The following SEC16A variants were observed in gnomAD, a reference collection of about 807,000 sequenced individuals.
SEC16A encodes the protein SEC16 homolog A, endoplasmic reticulum export factor, also known as protein transport protein Sec16A.
SEC16A carries 110 observed loss-of-function variants against 221.9 expected under a neutral mutation model. The ratio of observed to expected loss-of-function variants is 0.50; its 90% CI spans 0.42 to 0.58. The LOEUF (loss-of-function observed/expected upper bound fraction) is 0.58. SEC16A is among the 20% of genes least tolerant of loss of function. SEC16A has a pLI of 0.00. For missense variants in SEC16A, 3,165 were observed against 3,097.8 expected (o/e 1.02, Z -0.52); for synonymous variants, 1,393 against 1,257.7 (o/e 1.11, Z -2.28).
intron 12 of SEC16A, among the ~76,000 whole-genome samples, chr9:136,462,673 G>A (rs1047758572): frequency 8.5e-5 from 13 of 152,188 alleles, no homozygotes; most frequent in African/African-American, 3.1e-4. Context: ...CTCCAACACT[G>A]GAAACAGTTA....
chr9:136,464,365 G>A, intron 9 of SEC16A, 55 bp downstream of exon 9: 1 of 1,521,270 alleles, frequency 6.6e-7, no homozygotes, highest in Non-Finnish European at 8.9e-7. Flanking sequence ...CTGCAAAGCA[G>A]AGAGTTCCCC....
intron 19 of SEC16A, 116 bp downstream of exon 19, chr9:136,455,937 T>A (rs991625538): frequency 2.5e-6 from 3 of 1,178,346 alleles, no homozygotes; most frequent in African/African-American, 1.5e-5. Flanking sequence ...GGAATTCTCA[T>A]AGGCACACGT....
rs1840225469 is a variant in SEC16A at position 136,466,819 on chromosome 9, A to G, written c.3929+138T>C. The G allele has an allele frequency of 1.8e-6, 2 of 1,122,312 alleles. No homozygotes were observed. The highest frequency in any genetic ancestry group is 2.7e-5 in the Admixed American group (1 of 37,082). The allele number at this position is 1,122,312 out of a possible 1,614,324, so 69.5% of individuals were successfully genotyped here. On this transcript the variant is annotated intron_variant, in intron 6 of 31. Transcript: ENST00000684901. The surrounding 1 kb of genome is among the most constrained non-coding windows in gnomAD (Gnocchi z 5.5). ...GAGGGTCTGCTCCCTCCTTCCTTTC[A>G]GACAGGGACCAAAACATCAGGCAGA...
At chr9:136,454,015 C>T in intron 21 of SEC16A, 94 bp downstream of exon 21, 5 of 1,190,820 alleles carry the variant, frequency 4.2e-6, no homozygotes, top group Non-Finnish European at 6.0e-6. Context: ...TAAGTTGTTT[C>T]AAGCTCAAAT....
chr9:136,477,503 T>G lies in SEC16A; in HGVS notation c.113A>C (p.Asn38Thr), dbSNP rs1399757070. ...GCAAGTTGTCGGAGCCACTGCTGCA[T>G]TATTATTAGCCCGTCTCCTGTAAGG... ...SSPYRRRANN[N>T]AAVAPTTCPL... Residue 38 changes from asparagine (N) to threonine (T), a missense_variant, in exon 3 of 32, where the codon AAT becomes ACT. Around this residue, in one of 3 missense-constraint regions of SEC16A, gnomAD observed 2,030 missense variants for 1,923.1 expected, o/e 1.06. Coordinates refer to ENST00000684901, the MANE Select transcript of SEC16A (RefSeq NM_014866.2). The G allele has an allele frequency of 6.2e-7, 1 of 1,613,888 alleles. No individual in the cohort carries two copies. Among genetic ancestry groups the G allele is most frequent in the South Asian group, 1.1e-5 (1 of 91,078 alleles).
intron 1 of SEC16A, among the ~76,000 whole-genome samples, chr9:136,480,177 C>A (rs180858523): frequency 6.6e-6 from 1 of 152,192 alleles, no homozygotes; most frequent in Non-Finnish European, 1.5e-5. Flanking sequence ...GATCTGTGCA[C>A]TGGCATTATC....
At chr9:136,463,169 G>A in intron 11 of SEC16A, 37 bp from the exon 12 acceptor site, 4 of 1,600,758 alleles carry the variant, frequency 2.5e-6, no homozygotes, top group Non-Finnish European at 3.4e-6. Flanking sequence ...GAGAACAACG[G>A]CTCTCAGGTG....
At position 136,475,209 on chromosome 9, in the gene SEC16A, G is replaced by A; in HGVS notation, c.2407C>T (p.Leu803Phe). 6.2e-7 allele frequency: 1 copy of A among 1,613,734 alleles called. No individual in the cohort carries two copies. The stretch of plus-strand genomic sequence containing the variant: ...TAACCAGAACTCGCCTGGGACTGAA[G>A]GGCCTCCTCCTCTCCCATTTTGGGA... ...NPPKMGEEEA[L>F]QSQASSGYAS... Residue 803 changes from leucine (L) to phenylalanine (F), a missense_variant, in exon 3 of 32, where the codon CTT becomes TTT. This residue lies in a region of SEC16A where 2,030 missense variants were observed against 1,923.1 expected (regional missense o/e 1.06). Transcript: ENST00000684901. This position sits in a 1 kb window ranked among gnomAD's most constrained non-coding sequence, Gnocchi z 5.0.
chr9:136,466,146 C>G lies in SEC16A; in HGVS notation c.4129-10G>C, dbSNP rs973950598. On this transcript the variant is annotated splice_polypyrimidine_tract_variant and intron_variant, in intron 7 of 31. Coordinates refer to ENST00000684901, the MANE Select transcript of SEC16A (RefSeq NM_014866.2). This position sits in a 1 kb window ranked among gnomAD's most constrained non-coding sequence, Gnocchi z 5.5. ...TTCTGTAAATCTGACTCTTAGAAAA[C>G]AAAGCAAACGGGCAAAATCAATTCC... is the stretch of plus-strand genomic sequence containing the variant. 22 of 1,581,186 alleles carry G rather than the reference C, an allele frequency of 1.4e-5. No homozygotes were observed. The highest frequency in any genetic ancestry group is 5.4e-5 in the African/African-American group (4 of 74,014).
Position 136,466,962 on chromosome 9 carries a change from C to T in SEC16A, c.3924G>A (p.Gly1308=). 6.2e-7 allele frequency: 1 copy of T among 1,612,710 alleles called. No homozygotes were observed. Among genetic ancestry groups the T allele is most frequent in the Non-Finnish European group, 8.5e-7 (1 of 1,179,482 alleles). Residue 1308 remains glycine, a synonymous_variant, in exon 6 of 32, where the codon GGG becomes GGA. Transcript: ENST00000684901. The surrounding 1 kb of genome is among the most constrained non-coding windows in gnomAD (Gnocchi z 5.5). ...DAYRREHSAF[G]DRPEKRDNNW... ...CCCAGGGGTGCTCCACCAACCTGTC[C>T]CCGAAGGCAGAGTGCTCTCTCCTGT... is the stretch of plus-strand genomic sequence containing the variant.
In SEC16A at chr9:136,475,103, T is replaced by A. The variant is rs1260226284; in HGVS notation, c.2513A>T (p.Asn838Ile). The change falls in exon 3 of 32, where the codon AAT (asparagine) becomes ATT (isoleucine). Residue 838 changes from asparagine to isoleucine, a missense_variant. Transcript: ENST00000684901. This position sits in a 1 kb window ranked among gnomAD's most constrained non-coding sequence, Gnocchi z 5.0. ...AGAAAAGTTAATGGGCTGAGCCAGA[T>A]TATAGCTGTGATCAGGCTGAGCAAT... is the stretch of plus-strand genomic sequence containing the variant. ...VLIAQPDHSY[N>I]LAQPINFSVS... 4 of 1,613,642 alleles carry A rather than the reference T, an allele frequency of 2.5e-6. No individual in the cohort carries two copies. Among genetic ancestry groups the A allele is most frequent in the Non-Finnish European group, 1.7e-6 (2 of 1,179,832 alleles).
rs149236979 is a variant in SEC16A at position 136,462,950 on chromosome 9, G to T, written c.4830C>A (p.Ala1610=). The T allele has an allele frequency of 1.9e-6, 3 of 1,606,268 alleles. No individual in the cohort carries two copies. Among genetic ancestry groups the T allele is most frequent in the Non-Finnish European group, 2.5e-6 (3 of 1,179,864 alleles). Reference sequence around the variant, plus strand: ...CGGTCTCTCTCTCGAGCGAGCTGGCGGCAGCCGCCGGACCACCAGTGAGGA... The same window carrying T: ...CGGTCTCTCTCTCGAGCGAGCTGGCTGCAGCCGCCGGACCACCAGTGAGGA... The part of the protein sequence containing the change: ...LSFLTGGPAA[A]ASSLERETER... Residue 1610 remains alanine, a synonymous_variant, in exon 12 of 32, where the codon GCC becomes GCA. Coordinates refer to ENST00000684901, the MANE Select transcript of SEC16A (RefSeq NM_014866.2).
chr9:136,451,019 A>G (rs1408955773), intron 23 of SEC16A, among the ~76,000 whole-genome samples: 1 of 152,150 alleles, frequency 6.6e-6, no homozygotes, highest in African/African-American at 2.4e-5. Flanking sequence ...TAGTGGCCAG[A>G]GGCGACCTCT....
chr9:136,481,344 T>C (rs1308850051), intron 1 of SEC16A, among the ~76,000 whole-genome samples: 1 of 152,142 alleles, frequency 6.6e-6, no homozygotes, highest in East Asian at 1.9e-4. Context: ...TTCACCGTGT[T>C]AGCCAGGATG....
chr9:136,448,596 A>C, intron 23 of SEC16A: 1 of 668,838 alleles, frequency 1.5e-6, no homozygotes, highest in South Asian at 1.5e-5. Flanking sequence ...ACCAGGATGG[A>C]GGTGGGGAGC....
rs778616970 is a variant in SEC16A at position 136,474,478 on chromosome 9, T to C, written c.3138A>G (p.Lys1046=). ...NLDRFYQQVT[K]DAQGQPGLER... is the part of the protein sequence containing the mutation. The stretch of plus-strand genomic sequence containing the variant: ...CGAGGCCAGGCTGGCCCTGGGCATC[T>C]TTCGTGACCTGCTGATAAAAACGGT... The change falls in exon 3 of 32, where the codon AAA becomes AAG. Residue 1046 remains lysine, a synonymous_variant. Coordinates refer to ENST00000684901, the MANE Select transcript of SEC16A (RefSeq NM_014866.2). 1.2e-6 allele frequency: 2 copies of C among 1,612,960 alleles called. No homozygotes were observed. Among genetic ancestry groups the C allele is most frequent in the African/African-American group, 2.7e-5 (2 of 74,934 alleles).
chr9:136,443,683 G>A (rs1340530807), intron 31 of SEC16A, 140 bp downstream of exon 31: 13 of 611,546 alleles, frequency 2.1e-5, no homozygotes, highest in Non-Finnish European at 3.4e-5. Flanking sequence ...GCAAGACCCT[G>A]TCTCAATAAA....
rs374521669 is a variant in SEC16A at position 136,474,023 on chromosome 9, G to A, written c.3567+26C>T. On this transcript the variant is annotated intron_variant, in intron 3 of 31. Coordinates refer to ENST00000684901, the MANE Select transcript of SEC16A (RefSeq NM_014866.2). ...TGGTCAAAGCACAGACAGAAAAGTG[G>A]GTTACACATACGACTCGACTCTTAC... is the stretch of plus-strand genomic sequence containing the variant. 4.1e-5 allele frequency: 65 copies of A among 1,569,636 alleles called. 1 individual carries two copies. The African/African-American group carries it at 8.5e-4, about 21-fold the overall frequency.
chr9:136,451,552 G>C (rs1837814087), intron 22 of SEC16A, 144 bp from the exon 23 acceptor site: 1 of 976,772 alleles, frequency 1.0e-6, no homozygotes, highest in African/African-American at 1.7e-5. Flanking sequence ...GAGGCAGGAA[G>C]GGGGCTGGGG....
Sources: allele counts gnomAD v4.1 joint callset (sites outside exome capture counted in the v4.1 genomes callset), GRCh38; gene constraint gnomAD v4.1.1; regional missense constraint gnomAD v4.1.1; non-coding constraint Gnocchi (gnomAD v3.1); transcripts MANE v1.5; gene names NCBI Gene and HGNC (gene_info 2026-07-23, HGNC 2026-07-21).